The following INTS4 variants were observed in gnomAD, a reference collection of about 807,000 sequenced individuals.
INTS4 encodes the protein MSTP093.
INTS4 carries 70 observed loss-of-function variants against 119.5 expected under a neutral mutation model. The observed-to-expected ratio is 0.59, with a 90% CI of 0.48 to 0.71. The LOEUF is 0.71. Ranked by LOEUF, INTS4 falls within the 30% of genes least tolerant of loss-of-function variation. The pLI is 0.00. For synonymous variants in INTS4, 316 were observed against 419.6 expected (o/e 0.75, Z 3.02); for missense variants, 867 against 1,173.2 (o/e 0.74, Z 3.81).
At chr11:77,919,373 G>A (rs930706266) in intron 14 of INTS4, among the ~76,000 whole-genome samples, 3 of 151,452 alleles carry the variant, frequency 2.0e-5, no homozygotes, top group Admixed American at 6.6e-5. Context: ...TGCAACCTCC[G>A]CCTCCCAGGT....
chr11:77,984,836 A>G (rs1002850519), intron 2 of INTS4, among the ~76,000 whole-genome samples: 35 of 150,398 alleles, frequency 2.3e-4, no homozygotes, highest in African/African-American at 8.3e-4. Flanking sequence ...TGATAGCACC[A>G]CTGCACTCCA....
intron 2 of INTS4, among the ~76,000 whole-genome samples, chr11:77,990,443 T>C (rs1162491866): frequency 6.6e-6 from 1 of 151,930 alleles, no homozygotes; most frequent in Non-Finnish European, 1.5e-5. Context: ...CCTAACACTT[T>C]GGGAGGCCAA....
chr11:77,989,558 T>C (rs763031690), intron 2 of INTS4, among the ~76,000 whole-genome samples: 1 of 152,140 alleles, frequency 6.6e-6, no homozygotes, highest in Admixed American at 6.6e-5. Context: ...GGATATTTGG[T>C]AGGTCACTAT....
At chr11:77,903,643 A>G in intron 16 of INTS4, 23 bp from the exon 17 acceptor site, 1 of 1,593,450 alleles carries the variant, frequency 6.3e-7, no homozygotes, top group Non-Finnish European at 8.6e-7. Context: ...ATCAGGAGGG[A>G]ACAGAATACC....
At chr11:77,979,462 G>A (rs1043184105) in intron 3 of INTS4, among the ~76,000 whole-genome samples, 9 of 150,636 alleles carry the variant, frequency 6.0e-5, no homozygotes, top group African/African-American at 9.8e-5. Context: ...GCAACAGAGC[G>A]AGACCCAGTC....
chr11:77,924,528 T>G (rs1953447659), intron 12 of INTS4: 2 of 504,014 alleles, frequency 4.0e-6, no homozygotes, highest in Non-Finnish European at 7.3e-6. Flanking sequence ...CACATAATAT[T>G]TGCTAGGTGG....
At chr11:77,902,376 A>G (rs1430327781) in intron 17 of INTS4, among the ~76,000 whole-genome samples, 1 of 152,094 alleles carries the variant, frequency 6.6e-6, no homozygotes, top group Non-Finnish European at 1.5e-5. Flanking sequence ...CATCCTTCCA[A>G]TGTGGCTCAA....
At chr11:77,954,501 TA>T (rs1025840444) in intron 8 of INTS4, among the ~76,000 whole-genome samples, 2 of 151,918 alleles carry the variant, frequency 1.3e-5, no homozygotes, top group African/African-American at 4.8e-5. Flanking sequence ...AATGAGAAAA[TA>T]TATGTAAGGG....
chr11:77,921,239 T>A lies in INTS4; in HGVS notation c.1764+101A>T, dbSNP rs567848151. The A allele has an allele frequency of 3.6e-4, 452 of 1,240,296 alleles. 5 individuals carry two copies. In the African/African-American group the frequency reaches 5.9e-3, roughly 16 times the overall value. 76.8% of individuals were successfully genotyped at this position (1,240,296 alleles called of 1,614,324 possible). A position where few individuals can be genotyped will look rare whatever the true frequency, so the allele number is the denominator to read the frequency against. On this transcript the variant is annotated intron_variant, in intron 14 of 22. Transcript: ENST00000534064. ...TAAGCCCAGGAGTTTGAGACCGCCC[T>A]GGGCAACATAACAAGACCCCCATCT... is the stretch of plus-strand genomic sequence containing the variant.
At chr11:77,911,272 G>A (rs1953083970) in intron 15 of INTS4, 1 of 552,672 alleles carries the variant, frequency 1.8e-6, no homozygotes, top group African/African-American at 2.0e-5. Context: ...CCCAAAGTGT[G>A]GGAACCCAGC....
chr11:77,897,982 G>T (rs554992733), intron 18 of INTS4, among the ~76,000 whole-genome samples: 1 of 151,826 alleles, frequency 6.6e-6, no homozygotes, highest in Admixed American at 6.6e-5. Context: ...GCTAATTTTT[G>T]ATTTTTATTT....
intron 8 of INTS4, among the ~76,000 whole-genome samples, chr11:77,954,686 C>T (rs1368174011): frequency 2.0e-5 from 3 of 152,180 alleles, no homozygotes; most frequent in Admixed American, 6.5e-5. Context: ...AGATCCCGCA[C>T]ATGCTCAGTT....
chr11:77,982,430 G>A (rs143433446), intron 2 of INTS4, among the ~76,000 whole-genome samples: 97 of 152,204 alleles, frequency 6.4e-4, no homozygotes, highest in Middle Eastern at 3.4e-3. Context: ...GAGCCACCAC[G>A]CTCAGCCCTA....
At chr11:77,986,375 C>T (rs976733259) in intron 2 of INTS4, among the ~76,000 whole-genome samples, 1 of 152,176 alleles carries the variant, frequency 6.6e-6, no homozygotes, top group Non-Finnish European at 1.5e-5. Context: ...AATAGGAACA[C>T]TTTTACACTG....
chr11:77,911,132 T>C (rs1217775078), intron 15 of INTS4: 4 of 1,219,506 alleles, frequency 3.3e-6, no homozygotes, highest in East Asian at 5.9e-5. Flanking sequence ...CCTGGGGACT[T>C]TGACATCAAG....
rs770883686 is a variant in INTS4 at position 77,891,779 on chromosome 11, T to C, written c.2350A>G (p.Met784Val). 1.7e-5 allele frequency: 27 copies of C among 1,611,812 alleles called. No individual in the cohort carries two copies. Among genetic ancestry groups the C allele is most frequent in the Non-Finnish European group, 2.1e-5 (25 of 1,179,840 alleles). Residue 784 changes from methionine to valine, a missense_variant, in exon 20 of 23, where the codon ATG becomes GTG. Met to Val is a conservative substitution (Grantham distance 21). This residue lies in a region of INTS4 where 262 missense variants were observed against 376.0 expected (regional missense o/e 0.70). Transcript: ENST00000534064. ...DSFVDKLLDL[M>V]PRLMTSKPAE... ...GGTTTGGATGTCATGAGTCGGGGCATAAGGTCAAGGAGTTTGTCCACAAAG... is the reference window on the plus strand; with the variant it reads ...GGTTTGGATGTCATGAGTCGGGGCACAAGGTCAAGGAGTTTGTCCACAAAG...
intron 10 of INTS4, among the ~76,000 whole-genome samples, chr11:77,937,840 TTTATTTATTTATTTA>T (rs1953837115): frequency 6.0e-5 from 9 of 150,678 alleles, no homozygotes; most frequent in Admixed American, 6.6e-5. Context: ...TATTTATTTA[TTTATTTATTTATTTA>T]TTTTTTGAGA....
intron 9 of INTS4, among the ~76,000 whole-genome samples, chr11:77,939,244 AAGGC>A (rs1390569758): frequency 1.3e-5 from 2 of 152,126 alleles, no homozygotes; most frequent in Non-Finnish European, 2.9e-5. Context: ...TTGGGAGGCC[AAGGC>A]AGGCTGATCA....
At chr11:77,987,529 G>A (rs535836608) in intron 2 of INTS4, 17 of 378,712 alleles carry the variant, frequency 4.5e-5, no homozygotes, top group Admixed American at 1.3e-4. Context: ...AAAGACTAAC[G>A]GAAAATAGAT....
Sources: gnomAD v4.1 joint callset for allele counts (sites outside exome capture counted in the v4.1 genomes callset) on GRCh38, gnomAD v4.1.1 for gene constraint, gnomAD v4.1.1 regional missense constraint, MANE v1.5 for transcripts, NCBI Gene and HGNC (gene_info 2026-07-23, HGNC 2026-07-21) for gene names.